Variants in KCNH7 observed in about 807,000 individuals in gnomAD.
KCNH7 encodes voltage-gated inwardly rectifying potassium channel KCNH7.
KCNH7 carries 49 observed loss-of-function variants against 120.8 expected under a neutral mutation model. That is an observed-to-expected ratio of 0.41 (90% CI 0.32 to 0.51). KCNH7 has a LOEUF of 0.51. Among genes scored for constraint, KCNH7 ranks in the 20% least tolerant of loss-of-function variants. KCNH7 has a pLI of 0.38. For synonymous variants in KCNH7, 547 were observed against 516.1 expected, an observed-to-expected ratio of 1.06 and a Z score of -0.81; for missense variants, 1,097 against 1,446.6, an observed-to-expected ratio of 0.76 and a Z score of 3.92.
chr2:162,623,049 G>A (rs1487829989), intron 2 of KCNH7, among the ~76,000 whole-genome samples: 8 of 152,048 alleles, frequency 5.3e-5, no homozygotes, highest in Non-Finnish European at 2.9e-5. Flanking sequence ...TGGTTGAGAT[G>A]GGTAGAATTT....
intron 9 of KCNH7, among the ~76,000 whole-genome samples, chr2:162,404,493 G>C (rs879904745): frequency 6.6e-6 from 1 of 151,864 alleles, no homozygotes; most frequent in Admixed American, 6.6e-5. Flanking sequence ...TTTGGTCATG[G>C]GGGTTGATTC....
intron 2 of KCNH7, among the ~76,000 whole-genome samples, chr2:162,668,646 C>T (rs925286014): frequency 2.6e-5 from 4 of 151,986 alleles, no homozygotes; most frequent in African/African-American, 7.2e-5. Flanking sequence ...TCATAATGTT[C>T]TCCTAGATAA....
intron 2 of KCNH7, among the ~76,000 whole-genome samples, chr2:162,559,378 G>A (rs1457926710): frequency 6.6e-6 from 1 of 152,142 alleles, no homozygotes; most frequent in African/African-American, 2.4e-5. Context: ...AGAGTCAGCT[G>A]CGATCAGTAA....
intron 8 of KCNH7, among the ~76,000 whole-genome samples, chr2:162,426,795 C>A (rs775367932): frequency 4.6e-5 from 7 of 151,942 alleles, no homozygotes; most frequent in Non-Finnish European, 5.9e-5. Context: ...AATGTATACA[C>A]CTCTGTAAAC....
intron 14 of KCNH7, among the ~76,000 whole-genome samples, chr2:162,376,310 G>A (rs1017217826): frequency 5.3e-5 from 8 of 151,794 alleles, no homozygotes; most frequent in African/African-American, 1.5e-4. Flanking sequence ...TGCAATGGAA[G>A]GAATCATTAC....
intron 2 of KCNH7, among the ~76,000 whole-genome samples, chr2:162,731,407 A>G (rs983881281): frequency 3.3e-5 from 5 of 151,708 alleles, no homozygotes; most frequent in Non-Finnish European, 5.9e-5. Flanking sequence ...TAAAAGGTAA[A>G]AAAGAAAACC....
chr2:162,730,901 G>A, intron 2 of KCNH7, among the ~76,000 whole-genome samples: 1 of 151,898 alleles, frequency 6.6e-6, no homozygotes, highest in Non-Finnish European at 1.5e-5. Flanking sequence ...AGGGCAGGCA[G>A]GCAAGCTAAA....
At chr2:162,546,906 C>T (rs1376046855) in intron 2 of KCNH7, among the ~76,000 whole-genome samples, 1 of 151,614 alleles carries the variant, frequency 6.6e-6, no homozygotes, top group African/African-American at 2.4e-5. Context: ...GAAGAGAGGA[C>T]AAGTAATGCC....
At chr2:162,486,489 G>C (rs1269046390) in intron 6 of KCNH7, among the ~76,000 whole-genome samples, 1 of 152,088 alleles carries the variant, frequency 6.6e-6, no homozygotes, top group Non-Finnish European at 1.5e-5. Flanking sequence ...AATATATGTG[G>C]CATTTCTTTA....
At chr2:162,785,218 A>G (rs778125234) in intron 2 of KCNH7, 10 of 152,246 alleles carry the variant, frequency 6.6e-5, no homozygotes, top group Non-Finnish European at 1.3e-4. Context: ...TTAACTATAC[A>G]TATATTTCAC....
chr2:162,805,108 C>G (rs1684494001), intron 2 of KCNH7, among the ~76,000 whole-genome samples: 1 of 151,892 alleles, frequency 6.6e-6, no homozygotes, highest in East Asian at 1.9e-4. Context: ...AGACTTAAAT[C>G]TAAGTCTTGA....
intron 6 of KCNH7, among the ~76,000 whole-genome samples, chr2:162,479,638 C>G (rs1019424964): frequency 6.6e-6 from 1 of 150,736 alleles, no homozygotes; most frequent in African/African-American, 2.5e-5. Flanking sequence ...ATAAATTCAA[C>G]TTGAGATACA....
At chr2:162,669,741 C>T (rs952769866) in intron 2 of KCNH7, among the ~76,000 whole-genome samples, 7 of 152,060 alleles carry the variant, frequency 4.6e-5, no homozygotes, top group African/African-American at 1.7e-4. Flanking sequence ...ATAGGACAGC[C>T]CCCCACCCAA....
intron 2 of KCNH7, among the ~76,000 whole-genome samples, chr2:162,799,858 C>G (rs1344617469): frequency 2.0e-5 from 3 of 151,676 alleles, no homozygotes; most frequent in African/African-American, 7.3e-5. Flanking sequence ...ATACACTTGT[C>G]TTTTCTGTAT....
intron 2 of KCNH7, among the ~76,000 whole-genome samples, chr2:162,607,220 C>CAAAA (rs34786286): frequency 8.9e-6 from 1 of 111,970 alleles, no homozygotes; most frequent in Non-Finnish European, 2.0e-5. Context: ...ACTAAAAATA[C>CAAAA]AAAAAAAAAA....
intron 2 of KCNH7, among the ~76,000 whole-genome samples, chr2:162,700,880 T>C (rs1686470943): frequency 6.6e-6 from 1 of 152,224 alleles, no homozygotes; most frequent in African/African-American, 2.4e-5. Flanking sequence ...TCTTTAAAAA[T>C]CAGAGTTTTG....
intron 3 of KCNH7, among the ~76,000 whole-genome samples, chr2:162,528,633 T>A (rs992943458): frequency 6.6e-5 from 10 of 151,978 alleles, no homozygotes; most frequent in Non-Finnish European, 1.5e-4. Context: ...GATAGGCGGA[T>A]TGTATTATCC....
At chr2:162,587,092 T>C (rs917217342) in intron 2 of KCNH7, among the ~76,000 whole-genome samples, 1 of 152,154 alleles carries the variant, frequency 6.6e-6, no homozygotes, top group Non-Finnish European at 1.5e-5. Flanking sequence ...ATGAATTCTG[T>C]CATGGTATAG....
At chr2:162,372,677 CTTAAA>C (rs573178732) in intron 15 of KCNH7, among the ~76,000 whole-genome samples, 28 of 152,188 alleles carry the variant, frequency 1.8e-4, no homozygotes, top group Admixed American at 6.6e-4. Context: ...TCCAGAACGT[CTTAAA>C]TTAAATTCCC....
Sources: gnomAD v4.1 joint callset for allele counts (sites outside exome capture counted in the v4.1 genomes callset) on GRCh38, gnomAD v4.1.1 for gene constraint, MANE v1.5 for transcripts, NCBI Gene and HGNC (gene_info 2026-07-23, HGNC 2026-07-21) for gene names.